The following ZNF385D variants were observed in gnomAD, a reference collection of about 807,000 sequenced individuals.
The protein encoded by ZNF385D is zinc finger protein 385D.
Under a neutral mutation model 35.8 loss-of-function variants are expected in ZNF385D, and 15 were observed. That is an observed-to-expected ratio of 0.42 (90% CI 0.28 to 0.64). ZNF385D has a LOEUF of 0.64. ZNF385D is among the 30% of genes least tolerant of loss of function. ZNF385D has a pLI of 0.23. For synonymous variants in ZNF385D, 212 were observed against 186.8 expected (o/e 1.13, Z -1.10); for missense variants, 474 against 494.6 (o/e 0.96, Z 0.39).
At chr3:21,919,629 C>T (rs1236502587) in intron 3 of ZNF385D, among the ~76,000 whole-genome samples, 6 of 152,178 alleles carry the variant, frequency 3.9e-5, no homozygotes, top group African/African-American at 1.4e-4. Flanking sequence ...ATAATTGCTG[C>T]AGGCAGACTA....
At chr3:22,002,087 C>T (rs1057160703) in intron 3 of ZNF385D, among the ~76,000 whole-genome samples, 1 of 148,170 alleles carries the variant, frequency 6.7e-6, no homozygotes, top group African/African-American at 2.5e-5. Context: ...ATAAATAATA[C>T]AAATTAGAGC....
At chr3:21,830,369 T>C (rs996785205) in intron 3 of ZNF385D, among the ~76,000 whole-genome samples, 1 of 152,208 alleles carries the variant, frequency 6.6e-6, no homozygotes, top group Non-Finnish European at 1.5e-5. Context: ...TGATCTGTTA[T>C]GTTACCAGTG....
At chr3:21,885,731 T>C (rs1698505901) in intron 3 of ZNF385D, among the ~76,000 whole-genome samples, 1 of 88,578 alleles carries the variant, frequency 1.1e-5, no homozygotes, top group Non-Finnish European at 2.3e-5. Context: ...GAACAGGGTG[T>C]GTCTGTGTCT....
At chr3:22,023,938 T>C (rs1697376280) in intron 3 of ZNF385D, among the ~76,000 whole-genome samples, 1 of 152,100 alleles carries the variant, frequency 6.6e-6, no homozygotes, top group African/African-American at 2.4e-5. Flanking sequence ...GGGTTAACAC[T>C]GAGTGTCAAC....
intron 1 of ZNF385D, among the ~76,000 whole-genome samples, chr3:21,721,858 G>C (rs2068554818): frequency 6.6e-6 from 1 of 152,136 alleles, no homozygotes; most frequent in Admixed American, 6.5e-5. Context: ...CCAGCACTTT[G>C]GGAGGCCCAG....
Position 21,872,806 on chromosome 3 carries a change from C to T in ZNF385D, c.326-207778G>A, listed in dbSNP as rs117471558. 5.1e-4 allele frequency among the ~76,000 whole-genome samples: 77 copies of T among 152,226 alleles called. 2 individuals are homozygous for T. The East Asian group carries it at 0.015, about 29-fold the overall frequency. ...GCTACAATGCTGTTTTGATAACACA[C>T]TCCCTCTAAAGATGTAATTGTATAC... On this transcript the variant is annotated intron_variant, in intron 3 of 5. Coordinates refer to the ZNF385D transcript ENST00000494108.
At chr3:21,598,099 G>A (rs750676966) in intron 2 of ZNF385D, among the ~76,000 whole-genome samples, 20 of 152,074 alleles carry the variant, frequency 1.3e-4, no homozygotes, top group Non-Finnish European at 2.6e-4. Flanking sequence ...ATTCATAAGC[G>A]GTTGAATCAT....
chr3:22,007,948 C>T (rs1192887650), intron 3 of ZNF385D, among the ~76,000 whole-genome samples: 4 of 151,826 alleles, frequency 2.6e-5, no homozygotes, highest in Admixed American at 1.3e-4. Flanking sequence ...TTTGTTCATG[C>T]TTTCTCATAC....
chr3:21,421,487 T>C (rs1283863281), intron 7 of ZNF385D, 40 bp from the exon 8 acceptor site: 1 of 1,524,652 alleles, frequency 6.6e-7, no homozygotes, highest in South Asian at 1.2e-5. Context: ...AACAACAGTT[T>C]TGGAATTTGT....
intron 3 of ZNF385D, among the ~76,000 whole-genome samples, chr3:21,935,110 T>C (rs1701195173): frequency 6.6e-6 from 1 of 152,190 alleles, no homozygotes; most frequent in South Asian, 2.1e-4. Context: ...ATGCATTATT[T>C]ATCTAGTTAA....
intron 1 of ZNF385D, among the ~76,000 whole-genome samples, chr3:21,696,793 C>G (rs970005344): frequency 2.0e-5 from 3 of 152,180 alleles, no homozygotes; most frequent in Non-Finnish European, 4.4e-5. Flanking sequence ...GTCAACCTCC[C>G]CATAAATCAG....
rs35276805 is a variant in ZNF385D at position 21,512,145 on chromosome 3, C to CAAAAAAAAA, written c.277-1131_277-1123dup. On this transcript the variant is annotated intron_variant, in intron 3 of 7. Transcript: ENST00000281523. ...CTGGTGACAGAGCGAGACTCCATCT[C>CAAAAAAAAA]AAAAAAAAAAAAAAAAAAAGAAGTA... is the stretch of plus-strand genomic sequence containing the variant. 6.2e-3 allele frequency among the ~76,000 whole-genome samples: 558 copies of CAAAAAAAAA among 90,266 alleles called. 8 individuals carry two copies. Among genetic ancestry groups the CAAAAAAAAA allele is most frequent in the African/African-American group, 0.023 (520 of 22,262 alleles). 59.2% of individuals were successfully genotyped at this position (90,266 alleles called of 152,430 possible).
chr3:22,062,209 A>G (rs1699725348), intron 3 of ZNF385D, among the ~76,000 whole-genome samples: 2 of 151,778 alleles, frequency 1.3e-5, no homozygotes, highest in South Asian at 2.1e-4. Context: ...CACCATGCCT[A>G]ATTTATTTTT....
intron 3 of ZNF385D, among the ~76,000 whole-genome samples, chr3:21,770,923 G>C (rs1426428500): frequency 1.3e-5 from 2 of 152,100 alleles, no homozygotes; most frequent in African/African-American, 4.8e-5. Flanking sequence ...AAAAGGATGA[G>C]TTCATGTCCT....
intron 3 of ZNF385D, among the ~76,000 whole-genome samples, chr3:21,759,600 G>C (rs1339259551): frequency 6.6e-6 from 1 of 152,100 alleles, no homozygotes; most frequent in African/African-American, 2.4e-5. Context: ...AATACATCTT[G>C]TGTAGCAGGC....
intron 3 of ZNF385D, among the ~76,000 whole-genome samples, chr3:21,809,075 T>C (rs73820144): frequency 0.011 from 1,731 of 152,286 alleles, 39 homozygotes; most frequent in African/African-American, 0.04. Flanking sequence ...GCTCATCTTA[T>C]ATAGAACTAG....
At chr3:21,692,686 G>A (rs2067322233) in intron 1 of ZNF385D, among the ~76,000 whole-genome samples, 2 of 152,172 alleles carry the variant, frequency 1.3e-5, no homozygotes, top group African/African-American at 4.8e-5. Flanking sequence ...CCCTCCCAAA[G>A]AGTGCATGTC....
intron 3 of ZNF385D, among the ~76,000 whole-genome samples, chr3:21,552,737 A>C (rs1194471758): frequency 1.3e-5 from 2 of 152,232 alleles, no homozygotes; most frequent in Non-Finnish European, 2.9e-5. Flanking sequence ...ATTCAAATAA[A>C]ATGGCGGTAT....
chr3:21,636,881 G>A (rs1026222086), intron 2 of ZNF385D, among the ~76,000 whole-genome samples: 1 of 151,686 alleles, frequency 6.6e-6, no homozygotes, highest in African/African-American at 2.4e-5. Flanking sequence ...TGTGTTTTTT[G>A]GCCATTTGTA....
Sources: gnomAD v4.1 joint callset for allele counts (sites outside exome capture counted in the v4.1 genomes callset) on GRCh38, gnomAD v4.1.1 for gene constraint, MANE v1.5 for transcripts, NCBI Gene and HGNC (gene_info 2026-07-23, HGNC 2026-07-21) for gene names.